Variants in UGT1A8 observed in about 807,000 individuals in gnomAD.
UGT1A8 encodes UDP glucuronosyltransferase family 1 member A8.
In UGT1A8, 39 loss-of-function variants were observed where a neutral mutation model predicts 45.3. The ratio of observed to expected loss-of-function variants is 0.86; its 90% confidence interval spans 0.67 to 1.12. UGT1A8 has a LOEUF of 1.12. Ranked by LOEUF, UGT1A8 falls within the 50% of genes most tolerant of loss-of-function variation. UGT1A8 has a pLI of 0.00. For missense variants in UGT1A8, 719 were observed against 664.9 expected, an observed-to-expected ratio of 1.08 and a Z score of -0.90; for synonymous variants, 275 against 249.2, an observed-to-expected ratio of 1.10 and a Z score of -0.97.
chr2:233,671,901 T>A, intron 1 of UGT1A8: 3 of 1,574,686 alleles, frequency 1.9e-6, no homozygotes, highest in Non-Finnish European at 2.6e-6. Flanking sequence ...GGAGCTTAGA[T>A]TCCCAGCTGC....
chr2:233,719,487 A>G lies in UGT1A8; in HGVS notation c.856-47547A>G, dbSNP rs138822211. ...GCTCTACCCTCTGGCCCTGTCCTAC[A>G]TTTGCCATACTTTTTCTGCCCCTTA... On this transcript the variant is annotated intron_variant, in intron 1 of 4. Transcript: ENST00000373450. 1.2e-5 allele frequency: 20 copies of G among 1,613,508 alleles called. No individual in the cohort carries two copies. In the African/African-American group the frequency reaches 2.7e-4, roughly 22 times the overall value.
In UGT1A8 at chr2:233,672,550, A is replaced by G. The variant is rs377261531; in HGVS notation, c.855+53988A>G. ...CTCAGATGCCATGACTTTCAAGGAG[A>G]GAGTACGGAACCACATCATGCACTT... On this transcript the variant is annotated intron_variant, in intron 1 of 4. Transcript: ENST00000373450. 1.9e-6 allele frequency: 3 copies of G among 1,613,846 alleles called. No homozygotes were observed. In the African/African-American group the frequency reaches 4.0e-5, roughly 22 times the overall value.
rs530453791 is a variant in UGT1A8 at position 233,664,186 on chromosome 2, C to T, written c.855+45624C>T. 5.5e-4 allele frequency among the ~76,000 whole-genome samples: 84 copies of T among 152,256 alleles called. No homozygotes were observed. The South Asian group carries it at 0.011, about 19-fold the overall frequency. ...CACATGAGACCTCATTAGCCTGGCC[C>T]TCACTGCTGATTTTTCTATCAGTAT... On this transcript the variant is annotated intron_variant, in intron 1 of 4. Transcript: ENST00000373450.
chr2:233,659,089 T>C (rs1001398226), intron 1 of UGT1A8, among the ~76,000 whole-genome samples: 32 of 152,228 alleles, frequency 2.1e-4, no homozygotes, highest in African/African-American at 7.7e-4. Context: ...ATCTCTATAT[T>C]CAGATCTCTC....
intron 1 of UGT1A8, among the ~76,000 whole-genome samples, chr2:233,695,373 C>T (rs1408042500): frequency 6.6e-6 from 1 of 151,854 alleles, no homozygotes; most frequent in Non-Finnish European, 1.5e-5. Flanking sequence ...GTCCGCCCAC[C>T]CCAGCCTCCC....
chr2:233,772,141 A>C, intron 4 of UGT1A8, 121 bp from the exon 5 acceptor site: 1 of 1,549,926 alleles, frequency 6.5e-7, no homozygotes, highest in Non-Finnish European at 8.7e-7. Context: ...CAATAATAGA[A>C]ACAGGTTTCC....
At chr2:233,695,314 C>T (rs1256525000) in intron 1 of UGT1A8, among the ~76,000 whole-genome samples, 2 of 151,660 alleles carry the variant, frequency 1.3e-5, no homozygotes, top group Non-Finnish European at 2.9e-5. Context: ...TTAGTAGAGG[C>T]GGGGTTTCAC....
In UGT1A8 at chr2:233,658,959, G is replaced by A. The variant is rs553873761; in HGVS notation, c.855+40397G>A. On this transcript the variant is annotated intron_variant, in intron 1 of 4. Coordinates refer to ENST00000373450, the MANE Select transcript of UGT1A8 (RefSeq NM_019076.5). ...CATTTCTGTATGAATTTTAGAGTCA[G>A]TTTGCCAATTTGCACAAAAAAAAGC... Among the ~76,000 whole-genome samples, 209 of 152,176 alleles carry A rather than the reference G, an allele frequency of 1.4e-3. 3 individuals are homozygous for A. Among genetic ancestry groups the A allele is most frequent in the African/African-American group, 4.8e-3 (200 of 41,526 alleles).
At chr2:233,743,661 G>C in intron 1 of UGT1A8, 1 of 1,367,236 alleles carries the variant, frequency 7.3e-7, no homozygotes, top group Non-Finnish European at 9.8e-7. Flanking sequence ...TACTCGAAGG[G>C]GTCCTCGAAG....
intron 1 of UGT1A8, chr2:233,743,354 T>A: frequency 5.1e-6 from 5 of 972,108 alleles, no homozygotes. Flanking sequence ...GACATGGACT[T>A]GAAGCTGCCT....
At chr2:233,658,500 C>T (rs1398804368) in intron 1 of UGT1A8, among the ~76,000 whole-genome samples, 3 of 152,154 alleles carry the variant, frequency 2.0e-5, no homozygotes, top group African/African-American at 7.2e-5. Context: ...CCATCACGCC[C>T]CCTTCATCTC....
chr2:233,744,894 A>G (rs1692956902), intron 1 of UGT1A8, among the ~76,000 whole-genome samples: 1 of 151,908 alleles, frequency 6.6e-6, no homozygotes, highest in Non-Finnish European at 1.5e-5. Flanking sequence ...CCTCCTCTCC[A>G]TACCAAAATC....
intron 1 of UGT1A8, among the ~76,000 whole-genome samples, chr2:233,676,909 C>T (rs1057328249): frequency 3.3e-5 from 5 of 152,066 alleles, no homozygotes; most frequent in Non-Finnish European, 2.9e-5. Context: ...TATTTCTAGA[C>T]TTTGTATTCT....
At chr2:233,689,967 A>T in intron 1 of UGT1A8, 1 of 456,308 alleles carries the variant, frequency 2.2e-6, no homozygotes, top group Non-Finnish European at 4.4e-6. Flanking sequence ...TGCTTGGAGG[A>T]ACCCACAGGC....
intron 1 of UGT1A8, among the ~76,000 whole-genome samples, chr2:233,642,005 T>C (rs1397942523): frequency 6.6e-6 from 1 of 152,214 alleles, no homozygotes; most frequent in Non-Finnish European, 1.5e-5. Flanking sequence ...TTAAATGTGC[T>C]TGGTGTTCTC....
At position 233,769,843 on chromosome 2, in the gene UGT1A8, G is replaced by T; in HGVS notation, c.1295+1404G>T. On this transcript the variant is annotated intron_variant, in intron 4 of 4. Transcript: ENST00000373450. The surrounding 1 kb of genome is among the most constrained non-coding windows in gnomAD (Gnocchi z 4.4). ...GCACTCCAGCAACCTGGGCAACAGA[G>T]TGAGACCCTGTCTCAAAAAAAAAAA... 9 of 506,258 alleles carry T rather than the reference G, an allele frequency of 1.8e-5. No individual in the cohort carries two copies. The highest frequency in any genetic ancestry group is 4.7e-5 in the South Asian group (1 of 21,142). The allele number at this position is 506,258 out of a possible 1,614,324, so 31.4% of individuals were successfully genotyped here.
chr2:233,643,306 C>T (rs537579707), intron 1 of UGT1A8, among the ~76,000 whole-genome samples: 2 of 152,262 alleles, frequency 1.3e-5, no homozygotes, highest in African/African-American at 4.8e-5. Flanking sequence ...TTTGCAAAGA[C>T]AGAGGAGCCT....
chr2:233,719,837 G>A, intron 1 of UGT1A8: 1 of 1,534,622 alleles, frequency 6.5e-7, no homozygotes, highest in South Asian at 1.2e-5. Flanking sequence ...GGGGCCTAGT[G>A]TATTTCAAGT....
Position 233,618,021 on chromosome 2 carries a change from T to C in UGT1A8, c.314T>C (p.Leu105Ser), listed in dbSNP as rs1220027715. Residue 105 changes from leucine to serine, a missense_variant, in exon 1 of 5, where the codon TTG becomes TCG. Transcript: ENST00000373450. Reference sequence around the variant, plus strand: ...CAATGGAAAGCACAAGTACGAAGTTTGTTTTCTCTATTTCTGAGTTCATCC... The same window carrying C: ...CAATGGAAAGCACAAGTACGAAGTTCGTTTTCTCTATTTCTGAGTTCATCC... Reference protein sequence around the residue: ...DAQWKAQVRSLFSLFLSSSNG... With the variant: ...DAQWKAQVRSSFSLFLSSSNG... The C allele has an allele frequency of 1.2e-6, 2 of 1,614,244 alleles. No individual in the cohort carries two copies. Among genetic ancestry groups the C allele is most frequent in the Non-Finnish European group, 1.7e-6 (2 of 1,180,038 alleles).
Sources: allele counts gnomAD v4.1 joint callset (sites outside exome capture counted in the v4.1 genomes callset), GRCh38; gene constraint gnomAD v4.1.1; non-coding constraint Gnocchi (gnomAD v3.1); transcripts MANE v1.5; gene names NCBI Gene and HGNC (gene_info 2026-07-23, HGNC 2026-07-21).